MPRIP: variants seen among roughly 807,000 people sequenced by gnomAD.
MPRIP encodes myosin phosphatase Rho interacting protein.
Under a neutral mutation model 234.9 loss-of-function variants are expected in MPRIP, and 59 were observed. The observed-to-expected ratio is 0.25, with a 90% CI of 0.20 to 0.31. The LOEUF is 0.31. Among genes scored for constraint, MPRIP ranks in the 10% least tolerant of loss-of-function variants. MPRIP has a pLI of 1.00. For synonymous variants in MPRIP, 1,144 were observed against 1,263.9 expected, an observed-to-expected ratio of 0.91 and a Z score of 2.01; for missense variants, 2,436 against 3,071.0, an observed-to-expected ratio of 0.79 and a Z score of 4.89.
intron 3 of MPRIP, among the ~76,000 whole-genome samples, chr17:17,111,490 C>T (rs999217416): frequency 1.3e-5 from 2 of 152,220 alleles, no homozygotes; most frequent in African/African-American, 4.8e-5. Context: ...CCCCTGCAGC[C>T]TGGGCACCTG....
At chr17:17,074,684 G>C (rs564912067) in intron 1 of MPRIP, among the ~76,000 whole-genome samples, 4 of 152,136 alleles carry the variant, frequency 2.6e-5, no homozygotes, top group Admixed American at 2.6e-4. Flanking sequence ...TCTGCTTTCT[G>C]TGCTGTGGAT....
chr17:17,082,590 C>T (rs1033408868), intron 3 of MPRIP, among the ~76,000 whole-genome samples: 3 of 152,132 alleles, frequency 2.0e-5, no homozygotes, highest in South Asian at 4.1e-4. Context: ...CCACCGTGCC[C>T]GGTCTGTTCG....
At position 17,049,840 on chromosome 17, in the gene MPRIP, A is replaced by G. The variant is rs552400237; in HGVS notation, c.123+6869A>G. 5.9e-4 allele frequency among the ~76,000 whole-genome samples: 90 copies of G among 152,336 alleles called. 1 individual carries two copies. In the South Asian group the frequency reaches 0.019, roughly 32 times the overall value. The stretch of plus-strand genomic sequence containing the variant: ...CCTCAGACCAGCCCTGTCCTCTAGA[A>G]CTGTAATGGAAGCCACATAGGAAAT... On this transcript the variant is annotated intron_variant, in intron 1 of 23. Coordinates refer to ENST00000651222, the MANE Select transcript of MPRIP (RefSeq NM_001364716.4).
chr17:17,083,933 C>T (rs749079082), intron 3 of MPRIP, among the ~76,000 whole-genome samples: 2 of 152,054 alleles, frequency 1.3e-5, no homozygotes, highest in South Asian at 2.1e-4. Context: ...TTAGTAGAAA[C>T]GGTTTCATCG....
chr17:17,180,105 G>C lies in MPRIP; in HGVS notation c.7206+17G>C, dbSNP rs766715896. ...AGGTCCAAGGTGAGTCTGGGGTCCA[G>C]CCCCCTGGTGGGAGGGGCTTGAGGG... On this transcript the variant is annotated intron_variant, in intron 23 of 23. Coordinates refer to ENST00000651222, the MANE Select transcript of MPRIP (RefSeq NM_001364716.4). 1 of 1,558,412 alleles carries C rather than the reference G, an allele frequency of 6.4e-7. No individual in the cohort carries two copies. The highest frequency in any genetic ancestry group is 2.2e-5 in the Admixed American group (1 of 46,084).
chr17:17,132,635 C>T (rs2090620241), intron 5 of MPRIP, among the ~76,000 whole-genome samples: 1 of 152,192 alleles, frequency 6.6e-6, no homozygotes, highest in Non-Finnish European at 1.5e-5. Flanking sequence ...CTCCTCAGCC[C>T]CTTGGGCTGC....
At chr17:17,104,544 TG>T (rs2090026701) in intron 3 of MPRIP, among the ~76,000 whole-genome samples, 1 of 152,182 alleles carries the variant, frequency 6.6e-6, no homozygotes. Flanking sequence ...TCAAGCCTGG[TG>T]GGGAGCCGTG....
chr17:17,139,236 C>T (rs118009950), intron 7 of MPRIP, among the ~76,000 whole-genome samples: 3,464 of 152,316 alleles, frequency 0.023, 105 homozygotes, highest in Middle Eastern at 0.085. Context: ...CAAATCCAGA[C>T]GCAAGTGCCC....
intron 3 of MPRIP, among the ~76,000 whole-genome samples, chr17:17,109,749 T>C (rs968079594): frequency 6.6e-6 from 1 of 152,026 alleles, no homozygotes; most frequent in African/African-American, 2.4e-5. Context: ...GAGGAAATGA[T>C]CAATTCTAGG....
intron 1 of MPRIP, among the ~76,000 whole-genome samples, chr17:17,056,673 A>G (rs1038039969): frequency 6.6e-6 from 1 of 152,002 alleles, no homozygotes; most frequent in South Asian, 2.1e-4. Context: ...AGCATGTACA[A>G]TTCCATTGCA....
chr17:17,128,468 C>T (rs2090535395), intron 4 of MPRIP, among the ~76,000 whole-genome samples: 1 of 152,206 alleles, frequency 6.6e-6, no homozygotes, highest in Admixed American at 6.5e-5. Context: ...AAGCCCCTCT[C>T]CTGGGTCACT....
intron 7 of MPRIP, chr17:17,142,346 G>T: frequency 2.9e-6 from 1 of 348,502 alleles, no homozygotes; most frequent in Non-Finnish European, 5.3e-6. Flanking sequence ...GCTGCCGGGT[G>T]CCAAGCTGTG....
In MPRIP at chr17:17,165,824, C is replaced by G. The variant is rs1480459613; in HGVS notation, c.4233C>G (p.Ser1411Arg). Residue 1411 changes from serine (S) to arginine (R), a missense_variant, in exon 16 of 24, where the codon AGC becomes AGG. Ser to Arg is a moderately radical substitution (Grantham distance 110). Coordinates refer to ENST00000651222, the MANE Select transcript of MPRIP (RefSeq NM_001364716.4). ...TVRLESQQGQSREALLALHHQ... is the reference protein window; with the variant it reads ...TVRLESQQGQRREALLALHHQ... ...GGCTGGAGAGCCAGCAGGGTCAGAG[C>G]CGTGAGGCACTGCTCGCACTGCACC... 1 of 1,304,196 alleles carries G rather than the reference C, an allele frequency of 7.7e-7. No individual in the cohort carries two copies. The highest frequency in any genetic ancestry group is 1.0e-6 in the Non-Finnish European group (1 of 988,986). 80.8% of individuals were successfully genotyped at this position (1,304,196 alleles called of 1,614,324 possible).
rs1469204024 is a variant in MPRIP, at chr17:17,167,849, C to T, written c.6258C>T (p.His2086=). 1 of 1,304,276 alleles carries T rather than the reference C, an allele frequency of 7.7e-7. No individual in the cohort carries two copies. Among genetic ancestry groups the T allele is most frequent in the Non-Finnish European group, 1.0e-6 (1 of 988,982 alleles). 80.8% of individuals were successfully genotyped at this position (1,304,276 alleles called of 1,614,324 possible). The change falls in exon 16 of 24, where the codon CAC becomes CAT. Residue 2086 remains histidine, a synonymous_variant. Coordinates refer to ENST00000651222, the MANE Select transcript of MPRIP (RefSeq NM_001364716.4). The surrounding 1 kb of genome is among the most constrained non-coding windows in gnomAD (Gnocchi z 5.9). ...ATGTCATGCGGGAGGAGCTGGGACA[C>T]AAGGACCTGGAGGGCGACGCGGCCA... ...QMDVMREELG[H]KDLEGDAATL... is the part of the protein sequence containing the mutation.
In MPRIP at chr17:17,177,303, C is replaced by T. The variant is rs779170643; in HGVS notation, c.7011C>T (p.Ile2337=). The T allele has an allele frequency of 7.4e-6, 12 of 1,614,002 alleles. No individual in the cohort carries two copies. Among genetic ancestry groups the T allele is most frequent in the Middle Eastern group, 1.6e-4 (1 of 6,062 alleles). ...AAGACATCTACACAGAGCTCAGCATCGCGAAGGCTAAGGCTGACTGTGACA... is the reference window on the plus strand; with the variant it reads ...AAGACATCTACACAGAGCTCAGCATTGCGAAGGCTAAGGCTGACTGTGACA... ...KYKDIYTELS[I]AKAKADCDIS... is the part of the protein sequence containing the mutation. The change falls in exon 22 of 24, where the codon ATC becomes ATT. Residue 2337 remains isoleucine (I), a synonymous_variant. Transcript: ENST00000651222.
chr17:17,182,808 G>A, intron 23 of MPRIP: 1 of 152,266 alleles, frequency 6.6e-6, no homozygotes, highest in East Asian at 1.9e-4. Flanking sequence ...CCAGGCCTTA[G>A]GAGTGATCAA....
chr17:17,087,948 G>A (rs2089629318), intron 3 of MPRIP, among the ~76,000 whole-genome samples: 1 of 152,208 alleles, frequency 6.6e-6, no homozygotes, highest in African/African-American at 2.4e-5. Flanking sequence ...TAAGTGGTGA[G>A]TCAAGGACAC....
At chr17:17,089,592 C>T (rs557238167) in intron 3 of MPRIP, among the ~76,000 whole-genome samples, 11 of 152,112 alleles carry the variant, frequency 7.2e-5, no homozygotes, top group Admixed American at 2.6e-4. Context: ...CTGAGCCTTT[C>T]GAGTATCTGG....
At chr17:17,137,205 C>T (rs896134938) in intron 6 of MPRIP, among the ~76,000 whole-genome samples, 2 of 152,154 alleles carry the variant, frequency 1.3e-5, no homozygotes, top group African/African-American at 2.4e-5. Context: ...CCCTTCCCAC[C>T]ACCAGAATGC....
Sources: gnomAD v4.1 joint callset for allele counts (sites outside exome capture counted in the v4.1 genomes callset) on GRCh38, gnomAD v4.1.1 for gene constraint, Gnocchi (gnomAD v3.1) non-coding constraint, MANE v1.5 for transcripts, NCBI Gene and HGNC (gene_info 2026-07-23, HGNC 2026-07-21) for gene names.